The following LINGO1 variants were observed in gnomAD, a reference collection of about 807,000 sequenced individuals.
LINGO1 encodes the protein leucine rich repeat and Ig domain containing 1, also known as leucine-rich repeat and immunoglobulin-like domain-containing nogo receptor-interacting protein 1.
LINGO1 carries 11 observed loss-of-function variants against 37.3 expected under a neutral mutation model. That is an observed-to-expected ratio of 0.29 (90% CI 0.19 to 0.49). The LOEUF is 0.49. Among genes scored for constraint, LINGO1 ranks in the 20% least tolerant of loss-of-function variants. The probability of loss-of-function intolerance (pLI) is 0.99; values close to 1 mark genes in which losing one functional copy is unlikely to be tolerated. For missense variants in LINGO1, 585 were observed against 878.2 expected, an observed-to-expected ratio of 0.67 and a Z score of 4.22; for synonymous variants, 387 against 403.0, an observed-to-expected ratio of 0.96 and a Z score of 0.48.
At chr15:77,746,849 C>T (rs886390674) in intron 1 of LINGO1, among the ~76,000 whole-genome samples, 2 of 152,152 alleles carry the variant, frequency 1.3e-5, no homozygotes, top group African/African-American at 2.4e-5. Flanking sequence ...CCTCCCACCC[C>T]TCTCCAGCTC....
chr15:77,647,401 TGG>T (rs2074657479), intron 3 of LINGO1, among the ~76,000 whole-genome samples: 1 of 27,566 alleles, frequency 3.6e-5, no homozygotes, highest in South Asian at 1.1e-3. Context: ...GAAAGGCAGC[TGG>T]GGGGTGGTGG....
At chr15:77,712,219 C>T (rs754701608) in intron 2 of LINGO1, among the ~76,000 whole-genome samples, 1 of 152,150 alleles carries the variant, frequency 6.6e-6, no homozygotes, top group Non-Finnish European at 1.5e-5. Flanking sequence ...CCAGGCCACA[C>T]CCTGGCCCTG....
At position 77,794,406 on chromosome 15, in the gene LINGO1, A is replaced by G. The variant is rs868102189; in HGVS notation, c.-343+1533T>C. Among the ~76,000 whole-genome samples, 23 of 57,310 alleles carry G rather than the reference A, an allele frequency of 4.0e-4. 5 individuals carry two copies. The highest frequency in any genetic ancestry group is 1.5e-3 in the African/African-American group (20 of 12,916). The allele number at this position is 57,310 out of a possible 152,430, so 37.6% of individuals were successfully genotyped here. A position where few individuals can be genotyped will look rare whatever the true frequency, so the allele number is the denominator to read the frequency against. On this transcript the variant is annotated intron_variant, in intron 2 of 5. Coordinates refer to the LINGO1 transcript ENST00000562933. ...TATATACATACATATATACGTATATATGTGTATATACATACGTATATGTAT... is the reference window on the plus strand; with the variant it reads ...TATATACATACATATATACGTATATGTGTGTATATACATACGTATATGTAT...
rs1243147441 is a variant in LINGO1 at position 77,777,502 on chromosome 15, C to CACAG, written c.-257+9366_-257+9367insCTGT. Among the ~76,000 whole-genome samples the CACAG allele has an allele frequency of 2.0e-3, 302 of 148,776 alleles. 2 individuals are homozygous for CACAG. Among genetic ancestry groups the CACAG allele is most frequent in the East Asian group, 2.6e-3 (13 of 5,048 alleles). ...ACACACACACACACACACACACACA[C>CACAG]AGCTCAGAACACAGTGCGAGTGCAC... is the stretch of plus-strand genomic sequence containing the variant. On this transcript the variant is annotated intron_variant, in intron 1 of 3. Coordinates refer to the LINGO1 transcript ENST00000561686.
chr15:77,738,503 C>T (rs1160227054), intron 1 of LINGO1, among the ~76,000 whole-genome samples: 1 of 152,210 alleles, frequency 6.6e-6, no homozygotes, highest in Non-Finnish European at 1.5e-5. Context: ...AGCCCTCTTA[C>T]CATCCCTAGG....
At chr15:77,783,220 T>C (rs115904068) in intron 1 of LINGO1, among the ~76,000 whole-genome samples, 288 of 152,298 alleles carry the variant, frequency 1.9e-3, no homozygotes, top group African/African-American at 6.8e-3. Flanking sequence ...CCAAATTACC[T>C]GTTTGCCATG....
chr15:77,614,415 T>G lies in LINGO1; in HGVS notation c.1492A>C (p.Ile498Leu). The change falls in exon 2 of 2, where the codon ATC (isoleucine) becomes CTC (leucine). Residue 498 changes from isoleucine to leucine, a missense_variant. Ile to Leu is a conservative substitution (Grantham distance 5, BLOSUM62 2). Coordinates refer to ENST00000355300, the MANE Select transcript of LINGO1 (RefSeq NM_032808.7). ...TCGTTGCCGCCCGCGTTGGCCGCGA[T>G]GCACAGGTACGTGCCGTTGTCCTGT... ...QVQDNGTYLC[I>L]AANAGGNDSM... 1 of 1,612,810 alleles carries G rather than the reference T, an allele frequency of 6.2e-7. No individual in the cohort carries two copies. Among genetic ancestry groups the G allele is most frequent in the East Asian group, 2.2e-5 (1 of 44,872 alleles).
chr15:77,738,562 T>C (rs2076225435), intron 1 of LINGO1, among the ~76,000 whole-genome samples: 1 of 152,156 alleles, frequency 6.6e-6, no homozygotes, highest in Non-Finnish European at 1.5e-5. Flanking sequence ...CCCAATTTTC[T>C]AAGCATTTCC....
At chr15:77,794,657 G>A (rs1408199564) in intron 2 of LINGO1, among the ~76,000 whole-genome samples, 15 of 146,084 alleles carry the variant, frequency 1.0e-4, no homozygotes, top group African/African-American at 3.3e-4. Flanking sequence ...GCGTGATCTC[G>A]GCTCACTGCA....
At chr15:77,685,420 G>A (rs533028738) in intron 2 of LINGO1, among the ~76,000 whole-genome samples, 1 of 152,272 alleles carries the variant, frequency 6.6e-6, no homozygotes, top group South Asian at 2.1e-4. Context: ...ATGGCACCAG[G>A]AACCCAGGGA....
At chr15:77,810,239 C>A (rs895731855) in intron 1 of LINGO1, among the ~76,000 whole-genome samples, 3 of 143,794 alleles carry the variant, frequency 2.1e-5, no homozygotes, top group African/African-American at 7.5e-5. Flanking sequence ...CACACACACA[C>A]ACACACACAC....
chr15:77,716,082 G>C (rs2075980713), intron 2 of LINGO1, among the ~76,000 whole-genome samples: 1 of 152,164 alleles, frequency 6.6e-6, no homozygotes, highest in South Asian at 2.1e-4. Flanking sequence ...CAAGTTATGA[G>C]GGAGGCACTC....
intron 1 of LINGO1, among the ~76,000 whole-genome samples, chr15:77,771,670 GAAGCT>G (rs1481017682): frequency 1.3e-5 from 2 of 152,228 alleles, no homozygotes; most frequent in East Asian, 3.9e-4. Flanking sequence ...GAGACTGCTG[GAAGCT>G]AGGCTAGGAG....
At chr15:77,621,732 C>A (rs1190939832) in intron 1 of LINGO1, among the ~76,000 whole-genome samples, 4 of 152,260 alleles carry the variant, frequency 2.6e-5, no homozygotes, top group Non-Finnish European at 5.9e-5. Context: ...GCCACGTGTA[C>A]TCAGTGTTTT....
chr15:77,618,092 C>A (rs931009758), intron 1 of LINGO1, among the ~76,000 whole-genome samples: 3 of 152,238 alleles, frequency 2.0e-5, no homozygotes, highest in Non-Finnish European at 4.4e-5. Flanking sequence ...GCAGCTGGGG[C>A]TGGCGCGGGT....
upstream of LINGO1, among the ~76,000 whole-genome samples, chr15:77,639,073 C>CA (rs2074449132): frequency 6.6e-6 from 1 of 152,112 alleles, no homozygotes; most frequent in African/African-American, 2.4e-5. Context: ...GTCAACCCCC[C>CA]ATGAGGCCCT....
rs373791183 is a variant in LINGO1 at position 77,702,730 on chromosome 15, T to TAC, written c.-194-11831_-194-11830dup. 4.0e-4 allele frequency among the ~76,000 whole-genome samples: 60 copies of TAC among 151,864 alleles called. No homozygotes were observed. In the East Asian group the frequency reaches 5.4e-3, roughly 14 times the overall value. On this transcript the variant is annotated intron_variant, in intron 2 of 3. Coordinates refer to the LINGO1 transcript ENST00000561686. ...CTGACTACCTCCAGTCTGCCTGGGC[T>TAC]ACACACACACACACCAATGGCTAAG... is the stretch of plus-strand genomic sequence containing the variant.
chr15:77,811,817 T>C (rs1359968239), intron 1 of LINGO1, among the ~76,000 whole-genome samples: 1 of 152,212 alleles, frequency 6.6e-6, no homozygotes, highest in Non-Finnish European at 1.5e-5. Context: ...TAAAATACTC[T>C]GGAAAAAACA....
chr15:77,811,910 CTT>C (rs2077008669), intron 1 of LINGO1, among the ~76,000 whole-genome samples: 1 of 151,424 alleles, frequency 6.6e-6, no homozygotes, highest in Non-Finnish European at 1.5e-5. Context: ...ATTCTCTCTA[CTT>C]TTTCGTATGT....
Sources: allele counts gnomAD v4.1 joint callset (sites outside exome capture counted in the v4.1 genomes callset), GRCh38; gene constraint gnomAD v4.1.1; transcripts MANE v1.5; gene names NCBI Gene and HGNC (gene_info 2026-07-23, HGNC 2026-07-21).